TRHDE: variants seen among roughly 807,000 people sequenced by gnomAD.
The protein encoded by TRHDE is thyrotropin-releasing hormone-degrading ectoenzyme.
In TRHDE, 72 loss-of-function variants were observed where a neutral mutation model predicts 125.7. The observed-to-expected ratio is 0.57, with a 90% CI of 0.47 to 0.70. The LOEUF (loss-of-function observed/expected upper bound fraction) is 0.70. Ranked by LOEUF, TRHDE falls within the 30% of genes least tolerant of loss-of-function variation. TRHDE has a pLI of 0.00. For synonymous variants in TRHDE, 509 were observed against 509.1 expected (o/e 1.00, Z 0.00); for missense variants, 1,110 against 1,327.1 (o/e 0.84, Z 2.54).
chr12:72,169,817 G>A (rs1352697635), intron 2 of TRHDE, among the ~76,000 whole-genome samples: 1 of 152,072 alleles, frequency 6.6e-6, no homozygotes, highest in Non-Finnish European at 1.5e-5. Context: ...TCCAAATATA[G>A]TCATTCTTGG....
At chr12:72,367,056 T>C (rs980218107) in intron 2 of TRHDE, among the ~76,000 whole-genome samples, 1 of 152,118 alleles carries the variant, frequency 6.6e-6, no homozygotes, top group Non-Finnish European at 1.5e-5. Context: ...GGTTTTCATA[T>C]CATCATGTGC....
chr12:72,444,598 A>G (rs1461000655), intron 3 of TRHDE, among the ~76,000 whole-genome samples: 2 of 151,902 alleles, frequency 1.3e-5, no homozygotes, highest in African/African-American at 4.8e-5. Flanking sequence ...ATAGTTGAGT[A>G]AAATACCTAC....
At chr12:72,231,136 T>A (rs1463787165) in intron 2 of TRHDE, among the ~76,000 whole-genome samples, 1 of 151,936 alleles carries the variant, frequency 6.6e-6, no homozygotes, top group Non-Finnish European at 1.5e-5. Flanking sequence ...ATTAAAAAAA[T>A]TAGAAGTACA....
chr12:72,645,150 C>A (rs1179312114), intron 15 of TRHDE, among the ~76,000 whole-genome samples: 1 of 151,980 alleles, frequency 6.6e-6, no homozygotes, highest in Non-Finnish European at 1.5e-5. Flanking sequence ...CAAAAGTTGA[C>A]CATAATGAAA....
intron 2 of TRHDE, among the ~76,000 whole-genome samples, chr12:72,229,755 A>G (rs1232777140): frequency 6.6e-6 from 1 of 152,204 alleles, no homozygotes; most frequent in Non-Finnish European, 1.5e-5. Flanking sequence ...AAAGTTATAC[A>G]TAAAAAAGGG....
At chr12:72,383,918 C>T (rs566595769) in intron 3 of TRHDE, among the ~76,000 whole-genome samples, 59 of 151,892 alleles carry the variant, frequency 3.9e-4, no homozygotes, top group Non-Finnish European at 5.9e-4. Flanking sequence ...CTTATAAACT[C>T]GATGATTTGA....
At chr12:72,143,503 G>C (rs1876163100) in intron 2 of TRHDE, among the ~76,000 whole-genome samples, 1 of 152,008 alleles carries the variant, frequency 6.6e-6, no homozygotes, top group South Asian at 2.1e-4. Context: ...ATGTCTGTTA[G>C]ATTTGGGGTA....
rs77998636 is a variant in TRHDE at position 72,184,267 on chromosome 12, T to G, written n.279+78515T>G. Among the ~76,000 whole-genome samples the G allele has an allele frequency of 6.8e-4, 104 of 152,312 alleles. 1 individual carries two copies. The East Asian group carries it at 0.016, about 24-fold the overall frequency. ...ACCTGTATTTCTCCTTTGCTGGATG[T>G]ACAGGCATAACTTTTTCTTGCAATC... On this transcript the variant is annotated intron_variant and non_coding_transcript_variant, in intron 2 of 4. Coordinates refer to the TRHDE transcript ENST00000548156.
rs114945710 is a variant in TRHDE, at chr12:72,396,222, A to G, written c.1315+18101A>G. Among the ~76,000 whole-genome samples the G allele has an allele frequency of 3.3e-3, 510 of 152,296 alleles. 1 individual carries two copies. Among genetic ancestry groups the G allele is most frequent in the African/African-American group, 0.012 (484 of 41,562 alleles). On this transcript the variant is annotated intron_variant, in intron 3 of 18. Transcript: ENST00000261180. Reference sequence around the variant, plus strand: ...TTAAGCAAATAAGAAACATTTCCTGATCTTGATTGCCCCTTTAGCTATGGT... The same window carrying G: ...TTAAGCAAATAAGAAACATTTCCTGGTCTTGATTGCCCCTTTAGCTATGGT...
intron 2 of TRHDE, among the ~76,000 whole-genome samples, chr12:72,153,047 G>A (rs556151373): frequency 6.6e-6 from 1 of 152,244 alleles, no homozygotes; most frequent in East Asian, 1.9e-4. Flanking sequence ...TGGTTGGTAA[G>A]CAATTAATTA....
At chr12:72,366,551 T>C (rs1003530316) in intron 2 of TRHDE, among the ~76,000 whole-genome samples, 3 of 151,944 alleles carry the variant, frequency 2.0e-5, no homozygotes, top group Admixed American at 1.3e-4. Flanking sequence ...CCCTATTGGG[T>C]GCAAGGCATC....
At chr12:72,337,302 A>G (rs1217694022) in intron 2 of TRHDE, among the ~76,000 whole-genome samples, 2 of 152,154 alleles carry the variant, frequency 1.3e-5, no homozygotes, top group Non-Finnish European at 2.9e-5. Context: ...CTGAAAGGAA[A>G]GGGAGATAGT....
At chr12:72,434,482 G>A (rs928172199) in intron 3 of TRHDE, among the ~76,000 whole-genome samples, 2 of 151,658 alleles carry the variant, frequency 1.3e-5, no homozygotes, top group Non-Finnish European at 2.9e-5. Flanking sequence ...CATCAGGTAA[G>A]TTTTGTGTGT....
At chr12:72,413,222 AAATT>A (rs2135817153) in intron 3 of TRHDE, among the ~76,000 whole-genome samples, 1 of 152,180 alleles carries the variant, frequency 6.6e-6, no homozygotes, top group South Asian at 2.1e-4. Flanking sequence ...TTTTTTAAAA[AAATT>A]CTTTTCAGTC....
chr12:72,449,556 A>G (rs1875470815), intron 3 of TRHDE, among the ~76,000 whole-genome samples: 2 of 151,944 alleles, frequency 1.3e-5, no homozygotes, highest in Admixed American at 6.6e-5. Flanking sequence ...TGGCTTAGGC[A>G]TGCTCTTTTC....
At chr12:72,280,148 A>G (rs934427591) in intron 1 of TRHDE, among the ~76,000 whole-genome samples, 5 of 151,990 alleles carry the variant, frequency 3.3e-5, no homozygotes, top group Non-Finnish European at 7.4e-5. Context: ...TCATATCCTG[A>G]CTCTGCCACT....
rs76043826 is a variant in TRHDE at position 72,586,772 on chromosome 12, G to C, written c.2321+11230G>C. Among the ~76,000 whole-genome samples, 2,131 of 149,654 alleles carry C rather than the reference G, an allele frequency of 0.014. 138 individuals are homozygous for C. The East Asian group carries it at 0.19, about 14-fold the overall frequency. On this transcript the variant is annotated intron_variant, in intron 12 of 18. Transcript: ENST00000261180. ...TCAGTATAAACTCTCCAGGACACCA[G>C]GTGGTCATGCTAACCAAAATGAAAA...
intron 7 of TRHDE, among the ~76,000 whole-genome samples, chr12:72,548,767 A>G (rs1016928844): frequency 4.6e-5 from 7 of 151,852 alleles, no homozygotes; most frequent in African/African-American, 1.7e-4. Context: ...TACCTGTGCT[A>G]TGGCTTTTTC....
chr12:72,350,708 C>T (rs1325205524), intron 2 of TRHDE, among the ~76,000 whole-genome samples: 1 of 151,852 alleles, frequency 6.6e-6, no homozygotes, highest in Non-Finnish European at 1.5e-5. Flanking sequence ...AATAGGGGTA[C>T]AGATATATTC....
Sources: gnomAD v4.1 joint callset for allele counts (sites outside exome capture counted in the v4.1 genomes callset) on GRCh38, gnomAD v4.1.1 for gene constraint, MANE v1.5 for transcripts, NCBI Gene and HGNC (gene_info 2026-07-23, HGNC 2026-07-21) for gene names.